Variants in CBX1 observed in about 807,000 individuals in gnomAD.
The protein encoded by CBX1 is chromobox 1, also known as chromobox protein homolog 1.
CBX1 carries 10 observed loss-of-function variants against 25.1 expected under a neutral mutation model. The ratio of observed to expected loss-of-function variants is 0.40; its 90% CI spans 0.25 to 0.68. The LOEUF (loss-of-function observed/expected upper bound fraction) is 0.68, where lower values mean the gene tolerates loss of function less well. Ranked by LOEUF, CBX1 falls within the 30% of genes least tolerant of loss-of-function variation. CBX1 has a pLI of 0.40. For missense variants in CBX1, 106 were observed against 218.5 expected (o/e 0.49, Z 3.25); for synonymous variants, 63 against 79.4 (o/e 0.79, Z 1.10).
At chr17:48,094,114 CAAAAAAAAAA>C (rs11459504) in intron 1 of CBX1, among the ~76,000 whole-genome samples, 2 of 50,832 alleles carry the variant, frequency 3.9e-5, no homozygotes, top group African/African-American at 1.6e-4. Flanking sequence ...AACTCTGTCT[CAAAAAAAAAA>C]AAAAAAAAAA....
chr17:48,096,310 T>C, intron 1 of CBX1: 1 of 982,590 alleles, frequency 1.0e-6, no homozygotes, highest in Non-Finnish European at 1.2e-6. Context: ...TTGAGTATGT[T>C]GACATGGATA....
intron 1 of CBX1, among the ~76,000 whole-genome samples, chr17:48,084,247 T>TG (rs2037766343): frequency 6.8e-5 from 2 of 29,264 alleles, no homozygotes; most frequent in Admixed American, 3.5e-4. Context: ...AGTCTTGCTC[T>TG]GTTACCCAGG....
rs2037615807 is a variant in CBX1, at chr17:48,070,568, G to A, written c.*867C>T. On this transcript the variant is annotated 3_prime_UTR_variant, in exon 5 of 5. Coordinates refer to ENST00000225603, the MANE Select transcript of CBX1 (RefSeq NM_001127228.2). ...AGCCAGTGGCTTGGATGAACAAGCT[G>A]ATATTTATAACTTCGTTACTGGAAA... 1 of 152,734 alleles carries A rather than the reference G, an allele frequency of 6.5e-6. No individual in the cohort carries two copies. The highest frequency in any genetic ancestry group is 3.4e-3 in the Middle Eastern group (1 of 294). 9.5% of individuals were successfully genotyped at this position (152,734 alleles called of 1,614,324 possible). A position where few individuals can be genotyped will look rare whatever the true frequency, so the allele number is the denominator to read the frequency against.
At chr17:48,095,813 C>T (rs2063371671) in intron 1 of CBX1, 1 of 152,182 alleles carries the variant, frequency 6.6e-6, no homozygotes, top group Non-Finnish European at 1.5e-5. Context: ...GTTTGCGAAG[C>T]AAATGCTTTC....
In CBX1 at chr17:48,091,758, G is replaced by T. The variant is rs1357051947; in HGVS notation, c.-38+9510C>A. Among the ~76,000 whole-genome samples, 4 of 151,248 alleles carry T rather than the reference G, an allele frequency of 2.6e-5. No individual in the cohort carries two copies. In the East Asian group the frequency reaches 7.8e-4, roughly 30 times the overall value. On this transcript the variant is annotated intron_variant, in intron 1 of 4. Coordinates refer to ENST00000225603, the MANE Select transcript of CBX1 (RefSeq NM_001127228.2). ...GGGTTTTACCATGTTGGCCAGGCTG[G>T]TCTCAAACTCCTGACCTCAGGTGAT...
At chr17:48,099,935 T>C (rs1219673386) in intron 1 of CBX1, among the ~76,000 whole-genome samples, 2 of 151,986 alleles carry the variant, frequency 1.3e-5, no homozygotes, top group Admixed American at 1.3e-4. Context: ...GGTCAGGAGT[T>C]CGAGACCAGC....
chr17:48,079,925 A>C (rs1377800985), intron 1 of CBX1, among the ~76,000 whole-genome samples: 2 of 152,200 alleles, frequency 1.3e-5, no homozygotes, highest in Non-Finnish European at 2.9e-5. Context: ...AAGATAATAG[A>C]ATCTGAGTTT....
chr17:48,085,423 T>A, intron 1 of CBX1, among the ~76,000 whole-genome samples: 1 of 152,162 alleles, frequency 6.6e-6, no homozygotes. Context: ...ACCTACAGGG[T>A]AACATCCCTC....
intron 1 of CBX1, 45 bp from the exon 2 acceptor site, chr17:48,077,086 ATTGGTTAGATAATAT>A: frequency 4.1e-6 from 6 of 1,450,918 alleles, no homozygotes; most frequent in Non-Finnish European, 5.6e-6. Context: ...GAGCACTCTT[ATTGGTTAGATAATAT>A]CTGGATGGTA....
chr17:48,099,278 T>A (rs1179475942), intron 1 of CBX1, among the ~76,000 whole-genome samples: 1 of 152,152 alleles, frequency 6.6e-6, no homozygotes, highest in Non-Finnish European at 1.5e-5. Context: ...AATTTTGTAT[T>A]TTTAGTAGAG....
Position 48,076,194 on chromosome 17 carries a change from A to G in CBX1, c.141-16T>C, listed in dbSNP as rs1416369941. Reference sequence around the variant, plus strand: ...GTTGTCCTCACTGAAACCAGAGGGCACAGCAAGTCACACTTTCACTCAAAT... The same window carrying G: ...GTTGTCCTCACTGAAACCAGAGGGCGCAGCAAGTCACACTTTCACTCAAAT... On this transcript the variant is annotated splice_polypyrimidine_tract_variant and intron_variant, in intron 2 of 4. Transcript: ENST00000225603. The G allele has an allele frequency of 3.3e-6, 5 of 1,524,880 alleles. No individual in the cohort carries two copies. In the African/African-American group the frequency reaches 6.8e-5, roughly 21 times the overall value. 94.5% of individuals were successfully genotyped at this position (1,524,880 alleles called of 1,614,324 possible). A position where few individuals can be genotyped will look rare whatever the true frequency, so the allele number is the denominator to read the frequency against.
At chr17:48,095,718 T>A (rs2063370996) in intron 1 of CBX1, 1 of 152,186 alleles carries the variant, frequency 6.6e-6, no homozygotes, top group Non-Finnish European at 1.5e-5. Flanking sequence ...TACATACCAA[T>A]CATCAAAAGG....
At chr17:48,098,194 T>C (rs1321660305) in intron 1 of CBX1, among the ~76,000 whole-genome samples, 1 of 151,944 alleles carries the variant, frequency 6.6e-6, no homozygotes, top group Non-Finnish European at 1.5e-5. Flanking sequence ...GAGGCTTCAG[T>C]GAGCCATGAT....
chr17:48,095,166 A>AC (rs1439397976), intron 1 of CBX1, among the ~76,000 whole-genome samples: 2 of 152,108 alleles, frequency 1.3e-5, no homozygotes, highest in African/African-American at 2.4e-5. Flanking sequence ...AGCCTACCCA[A>AC]CCTAGCTAAA....
intron 1 of CBX1, among the ~76,000 whole-genome samples, chr17:48,077,738 T>C (rs1194287757): frequency 1.3e-5 from 2 of 152,066 alleles, no homozygotes; most frequent in Non-Finnish European, 2.9e-5. Flanking sequence ...TCCCAGCATT[T>C]TGGAAGGCCC....
At chr17:48,077,433 G>GTTTGT (rs1567764327) in intron 1 of CBX1, among the ~76,000 whole-genome samples, 8 of 128,860 alleles carry the variant, frequency 6.2e-5, no homozygotes, top group Middle Eastern at 4.2e-3. Flanking sequence ...AATTTTTGTT[G>GTTTGT]TTTTTTTTTT....
rs535467815 is a variant in CBX1 at position 48,083,534 on chromosome 17, T to C, written c.-37-6493A>G. ...TTTCTTGTCTCTTTAAAAATCTTCT[T>C]ATTGGCCAGGTGGCGTGGTGGCTCA... is the stretch of plus-strand genomic sequence containing the variant. On this transcript the variant is annotated intron_variant, in intron 1 of 4. Transcript: ENST00000225603. Among the ~76,000 whole-genome samples the C allele has an allele frequency of 1.1e-4, 16 of 150,664 alleles. 1 individual carries two copies. The East Asian group carries it at 1.2e-3, about 11-fold the overall frequency.
rs1356693722 is a variant in CBX1 at position 48,075,063 on chromosome 17, G to A, written c.356C>T (p.Pro119Leu). 11 of 1,614,046 alleles carry A rather than the reference G, an allele frequency of 6.8e-6. No individual in the cohort carries two copies. The highest frequency in any genetic ancestry group is 2.2e-5 in the East Asian group (1 of 44,882). Reference sequence around the variant, plus strand: ...GTCTGTAGCTCCAATAATCCGCTCCGGCTCCAAACCTCGAGCAAAGCCTCG... The same window carrying A: ...GTCTGTAGCTCCAATAATCCGCTCCAGCTCCAAACCTCGAGCAAAGCCTCG... ...KPRGFARGLE[P>L]ERIIGATDSS... Residue 119 changes from proline (P) to leucine (L), a missense_variant, in exon 4 of 5, where the codon CCG (proline) becomes CTG (leucine). By Grantham distance (98) the Pro-to-Leu change is moderately conservative. Coordinates refer to ENST00000225603, the MANE Select transcript of CBX1 (RefSeq NM_001127228.2).
chr17:48,084,861 G>T, intron 1 of CBX1, among the ~76,000 whole-genome samples: 1 of 150,860 alleles, frequency 6.6e-6, no homozygotes, highest in East Asian at 2.0e-4. Context: ...AGTGAGCCGA[G>T]ATCGCGCCAC....
Sources: allele counts gnomAD v4.1 joint callset (sites outside exome capture counted in the v4.1 genomes callset), GRCh38; gene constraint gnomAD v4.1.1; transcripts MANE v1.5; gene names NCBI Gene and HGNC (gene_info 2026-07-23, HGNC 2026-07-21).